Variants in RASA1 observed in about 807,000 individuals in gnomAD.
RASA1 encodes the protein ras GTPase-activating protein 1.
Under a neutral mutation model 132.2 loss-of-function variants are expected in RASA1, and 25 were observed. The ratio of observed to expected loss-of-function variants is 0.19; its 90% CI spans 0.14 to 0.26. RASA1 has a LOEUF of 0.26. Ranked by LOEUF, RASA1 falls within the 10% of genes least tolerant of loss-of-function variation. The pLI is 1.00. For synonymous variants in RASA1, 477 were observed against 449.9 expected, an observed-to-expected ratio of 1.06 and a Z score of -0.76; for missense variants, 964 against 1,299.2, an observed-to-expected ratio of 0.74 and a Z score of 3.97.
intron 1 of RASA1, among the ~76,000 whole-genome samples, chr5:87,273,851 C>T (rs1204313406): frequency 1.3e-5 from 2 of 152,006 alleles, no homozygotes; most frequent in Non-Finnish European, 2.9e-5. Context: ...GTACACACCA[C>T]CATGCCTGGC....
chr5:87,365,498 C>G (rs1192276472), intron 11 of RASA1, among the ~76,000 whole-genome samples: 5 of 151,994 alleles, frequency 3.3e-5, no homozygotes, highest in African/African-American at 1.2e-4. Flanking sequence ...TTGTTTCTTA[C>G]CTTTTTTCGA....
intron 1 of RASA1, among the ~76,000 whole-genome samples, chr5:87,297,634 A>G (rs1351453004): frequency 6.6e-6 from 1 of 152,206 alleles, no homozygotes; most frequent in Non-Finnish European, 1.5e-5. Context: ...GGCTCTGGTA[A>G]ATTAGTTTCT....
At chr5:87,269,780 G>A (rs535071668) in intron 1 of RASA1, among the ~76,000 whole-genome samples, 1 of 152,060 alleles carries the variant, frequency 6.6e-6, no homozygotes, top group Non-Finnish European at 1.5e-5. Flanking sequence ...AAAATATACA[G>A]GACAATGACT....
chr5:87,271,777 A>C (rs898111988), intron 1 of RASA1, among the ~76,000 whole-genome samples: 1 of 151,554 alleles, frequency 6.6e-6, no homozygotes, highest in South Asian at 2.1e-4. Context: ...CGCCTGGCCC[A>C]ATAGACTGTT....
At chr5:87,371,717 C>T (rs573088319) in intron 12 of RASA1, among the ~76,000 whole-genome samples, 2 of 152,222 alleles carry the variant, frequency 1.3e-5, no homozygotes, top group East Asian at 3.9e-4. Context: ...CTCCCCCTCT[C>T]ACAAAGTGTA....
chr5:87,350,772 GA>G (rs1554046759), intron 8 of RASA1, among the ~76,000 whole-genome samples: 2 of 150,564 alleles, frequency 1.3e-5, no homozygotes, highest in Non-Finnish European at 3.0e-5. Flanking sequence ...CATTCCCCCA[GA>G]ACTTTGATTT....
At chr5:87,387,189 T>G (rs1038660267) in intron 23 of RASA1, among the ~76,000 whole-genome samples, 1 of 152,178 alleles carries the variant, frequency 6.6e-6, no homozygotes, top group Non-Finnish European at 1.5e-5. Flanking sequence ...CTTTTAAAGC[T>G]ATCACATCTG....
intron 23 of RASA1, among the ~76,000 whole-genome samples, chr5:87,387,620 A>G (rs977236716): frequency 6.6e-6 from 1 of 152,120 alleles, no homozygotes; most frequent in African/African-American, 2.4e-5. Flanking sequence ...AGGGAGTGCT[A>G]GGATTGGAGA....
intron 9 of RASA1, among the ~76,000 whole-genome samples, chr5:87,360,128 T>G (rs1307628649): frequency 3.3e-5 from 5 of 151,568 alleles, no homozygotes; most frequent in Admixed American, 1.3e-4. Flanking sequence ...AATGCAGTTT[T>G]TTTTTTTTTT....
chr5:87,280,231 C>G (rs1754256173), intron 1 of RASA1, among the ~76,000 whole-genome samples: 1 of 152,208 alleles, frequency 6.6e-6, no homozygotes, highest in African/African-American at 2.4e-5. Flanking sequence ...CAATGCTTCA[C>G]CAGCCATCAA....
At chr5:87,333,455 G>A in intron 4 of RASA1, 118 bp downstream of exon 4, 1 of 1,469,824 alleles carries the variant, frequency 6.8e-7, no homozygotes, top group Non-Finnish European at 9.1e-7. Flanking sequence ...CAAGGTGAAA[G>A]AGCTTTTGAT....
chr5:87,331,636 T>C, intron 2 of RASA1, 136 bp downstream of exon 2: 3 of 1,013,802 alleles, frequency 3.0e-6, no homozygotes, highest in South Asian at 2.9e-5. Context: ...GTCAAATGAT[T>C]TAATCAGTGA....
intron 12 of RASA1, 70 bp from the exon 13 acceptor site, chr5:87,372,048 A>AT: frequency 6.9e-7 from 1 of 1,441,996 alleles, no homozygotes; most frequent in Non-Finnish European, 9.5e-7. Context: ...TGAAAAAAAA[A>AT]ACCTAACTGA....
chr5:87,341,732 T>C (rs1012910528), intron 6 of RASA1, among the ~76,000 whole-genome samples: 3 of 152,162 alleles, frequency 2.0e-5, no homozygotes, highest in African/African-American at 7.2e-5. Context: ...TCTTTTTTTT[T>C]CATAATCTTC....
chr5:87,334,585 G>A lies in RASA1; in HGVS notation c.899+1248G>A, dbSNP rs1006101755. On this transcript the variant is annotated intron_variant, in intron 4 of 24. Coordinates refer to ENST00000274376, the MANE Select transcript of RASA1 (RefSeq NM_002890.3). ...TAAGACATAACTTGCCTTTTTCACT[G>A]TAAATTTTACAATGATGGTACAAAA... Among the ~76,000 whole-genome samples the A allele has an allele frequency of 3.3e-5, 5 of 152,144 alleles. 1 individual carries two copies. In the South Asian group the frequency reaches 1.0e-3, roughly 32 times the overall value.
At chr5:87,335,332 A>G (rs1201410340) in intron 4 of RASA1, among the ~76,000 whole-genome samples, 2 of 151,512 alleles carry the variant, frequency 1.3e-5, no homozygotes, top group African/African-American at 4.8e-5. Flanking sequence ...TTTGAATTTT[A>G]GACATTCTGT....
chr5:87,293,305 G>A (rs992674272), intron 1 of RASA1, among the ~76,000 whole-genome samples: 1 of 151,582 alleles, frequency 6.6e-6, no homozygotes, highest in Non-Finnish European at 1.5e-5. Flanking sequence ...TTTGCTCAGC[G>A]TTTTAGTCAT....
intron 1 of RASA1, chr5:87,318,420 T>TA (rs1351022666): frequency 6.6e-6 from 1 of 152,244 alleles, no homozygotes; most frequent in Admixed American, 6.6e-5. Context: ...CTGGGTAGTT[T>TA]ATAAAGAAGC....
chr5:87,299,492 A>G (rs1385900775), intron 1 of RASA1, among the ~76,000 whole-genome samples: 1 of 152,204 alleles, frequency 6.6e-6, no homozygotes, highest in Non-Finnish European at 1.5e-5. Context: ...GCTATAATAA[A>G]GTACTTACAT....
Sources: gnomAD v4.1 joint callset for allele counts (sites outside exome capture counted in the v4.1 genomes callset) on GRCh38, gnomAD v4.1.1 for gene constraint, MANE v1.5 for transcripts, NCBI Gene and HGNC (gene_info 2026-07-23, HGNC 2026-07-21) for gene names.